Variants in UBR2 observed in about 807,000 individuals in gnomAD.
UBR2 encodes the protein ubiquitin protein ligase E3 component n-recognin 2.
In UBR2, 92 loss-of-function variants were observed where a neutral mutation model predicts 247.9. The ratio of observed to expected loss-of-function variants is 0.37; its 90% CI spans 0.31 to 0.44. UBR2 has a LOEUF of 0.44. UBR2 is among the 20% of genes least tolerant of loss of function. The pLI is 1.00. For synonymous variants in UBR2, 672 were observed against 693.5 expected, an observed-to-expected ratio of 0.97 and a Z score of 0.49; for missense variants, 1,613 against 2,112.6, an observed-to-expected ratio of 0.76 and a Z score of 4.64.
intron 32 of UBR2, 53 bp from the exon 33 acceptor site, chr6:42,665,356 G>C: frequency 7.4e-7 from 1 of 1,347,196 alleles, no homozygotes; most frequent in Non-Finnish European, 1.0e-6. Context: ...GGAGTCTTTT[G>C]TATCTTAAGG....
At chr6:42,681,852 G>A (rs142272614) in intron 42 of UBR2, among the ~76,000 whole-genome samples, 4 of 152,332 alleles carry the variant, frequency 2.6e-5, no homozygotes, top group African/African-American at 7.2e-5. Flanking sequence ...CAACTCAGAT[G>A]TTCAACAGAT....
chr6:42,636,722 TGA>T (rs1796118066), intron 14 of UBR2, among the ~76,000 whole-genome samples: 1 of 152,118 alleles, frequency 6.6e-6, no homozygotes, highest in Non-Finnish European at 1.5e-5. Flanking sequence ...TAGCAAGTTT[TGA>T]GAGAAACTTA....
intron 3 of UBR2, 104 bp from the exon 4 acceptor site, chr6:42,594,087 A>G: frequency 2.6e-6 from 2 of 773,696 alleles, no homozygotes; most frequent in Non-Finnish European, 4.0e-6. Context: ...AAGAAATTAA[A>G]CACTTAAGCA....
chr6:42,655,503 C>A, intron 25 of UBR2, 118 bp from the exon 26 acceptor site: 3 of 560,022 alleles, frequency 5.4e-6, no homozygotes, highest in Non-Finnish European at 9.0e-6. Context: ...TTTTTAATTG[C>A]ATTTAGTATT....
chr6:42,687,981 AT>A (rs60340732), intron 44 of UBR2, among the ~76,000 whole-genome samples: 139,076 of 151,864 alleles, frequency 0.92, 63,760 homozygotes, highest in East Asian at 1. Flanking sequence ...GATTTTATTT[AT>A]TTTTTTTTCT....
intron 2 of UBR2, among the ~76,000 whole-genome samples, chr6:42,576,415 T>C (rs1311919848): frequency 1.3e-5 from 2 of 152,072 alleles, no homozygotes; most frequent in African/African-American, 2.4e-5. Flanking sequence ...ATTATTCCCC[T>C]GTATGCAGCC....
rs1336979873 is a variant in UBR2 at position 42,614,230 on chromosome 6, A to C, written c.986-841A>C. On this transcript the variant is annotated intron_variant, in intron 8 of 46. Coordinates refer to ENST00000372901, the MANE Select transcript of UBR2 (RefSeq NM_001363705.2). Reference sequence around the variant, plus strand: ...ACTATATATATATACACACACACACACACACACACACACACGCGCGCACAT... The same window carrying C: ...ACTATATATATATACACACACACACCCACACACACACACACGCGCGCACAT... Among the ~76,000 whole-genome samples the C allele has an allele frequency of 6.1e-5, 6 of 98,554 alleles. 1 individual carries two copies. In the East Asian group the frequency reaches 8.3e-4, roughly 14 times the overall value. 64.7% of individuals were successfully genotyped at this position (98,554 alleles called of 152,430 possible). A position where few individuals can be genotyped will look rare whatever the true frequency, so the allele number is the denominator to read the frequency against.
intron 15 of UBR2, 98 bp downstream of exon 15, chr6:42,637,292 C>T (rs1329900764): frequency 5.4e-6 from 7 of 1,287,838 alleles, no homozygotes; most frequent in Non-Finnish European, 7.5e-6. Flanking sequence ...AGATGTTATT[C>T]TGTGATTTCT....
At chr6:42,634,084 T>C (rs1253853483) in intron 13 of UBR2, among the ~76,000 whole-genome samples, 1 of 152,226 alleles carries the variant, frequency 6.6e-6, no homozygotes, top group African/African-American at 2.4e-5. Flanking sequence ...GTTACAAGTT[T>C]ATTTTTTTAA....
rs1796027450 is a variant in UBR2, at chr6:42,635,408, T to C, written c.1546-10T>C. ...TTTCATTCATATATAATTTTTTCAC[T>C]TCCGTTAAGGGAATGGATCCAATTA... On this transcript the variant is annotated splice_polypyrimidine_tract_variant and intron_variant, in intron 13 of 46. Coordinates refer to ENST00000372901, the MANE Select transcript of UBR2 (RefSeq NM_001363705.2). The C allele has an allele frequency of 1.2e-6, 2 of 1,611,894 alleles. No individual in the cohort carries two copies. The highest frequency in any genetic ancestry group is 1.7e-5 in the Admixed American group (1 of 59,780).
intron 13 of UBR2, 109 bp downstream of exon 13, chr6:42,633,013 T>C: frequency 1.4e-6 from 1 of 724,230 alleles, no homozygotes; most frequent in East Asian, 3.0e-5. Context: ...GGGGTCTCAC[T>C]GTGTTGCCCA....
intron 16 of UBR2, 67 bp from the exon 17 acceptor site, chr6:42,641,515 C>A: frequency 8.2e-7 from 1 of 1,223,856 alleles, no homozygotes; most frequent in Non-Finnish European, 1.2e-6. Flanking sequence ...GACCAAACTT[C>A]TTTTTAGAAC....
chr6:42,666,164 T>C lies in UBR2; in HGVS notation c.3803-3T>C, dbSNP rs1275552850. The C allele has an allele frequency of 6.2e-7, 1 of 1,609,982 alleles. No individual in the cohort carries two copies. The highest frequency in any genetic ancestry group is 1.1e-5 in the South Asian group (1 of 89,986). On this transcript the variant is annotated splice_polypyrimidine_tract_variant and splice_region_variant and intron_variant, in intron 33 of 46. Transcript: ENST00000372901. ...TAATAGTATAAAATGCCTGTTTCTA[T>C]AGATAATGCCTCTACAAAGAATTCA...
chr6:42,589,479 A>G (rs957154561), intron 2 of UBR2, among the ~76,000 whole-genome samples: 22 of 152,118 alleles, frequency 1.4e-4, no homozygotes, highest in Admixed American at 1.4e-3. Context: ...TGAATTGTCT[A>G]TATCTGATTT....
intron 1 of UBR2, among the ~76,000 whole-genome samples, chr6:42,570,636 C>T (rs1791056850): frequency 6.6e-6 from 1 of 151,554 alleles, no homozygotes; most frequent in Admixed American, 6.6e-5. Flanking sequence ...GAAATACTTG[C>T]TTGTTTTACT....
chr6:42,637,001 T>C lies in UBR2; in HGVS notation c.1675-10T>C. The C allele has an allele frequency of 6.2e-7, 1 of 1,600,244 alleles. No homozygotes were observed. Among genetic ancestry groups the C allele is most frequent in the Non-Finnish European group, 8.5e-7 (1 of 1,172,096 alleles). On this transcript the variant is annotated splice_polypyrimidine_tract_variant and intron_variant, in intron 14 of 46. Coordinates refer to ENST00000372901, the MANE Select transcript of UBR2 (RefSeq NM_001363705.2). ...TTTTGAGTAACTTACAGAAAAACCCTCTTTTTTAGGAAAAAGTGTTAATCG... is the reference window on the plus strand; with the variant it reads ...TTTTGAGTAACTTACAGAAAAACCCCCTTTTTTAGGAAAAAGTGTTAATCG...
intron 2 of UBR2, among the ~76,000 whole-genome samples, chr6:42,583,585 G>A (rs59155171): frequency 0.014 from 2,014 of 148,748 alleles, 37 homozygotes; most frequent in African/African-American, 0.048. Flanking sequence ...GCAGTGGCAC[G>A]ATCTCAGCTC....
chr6:42,573,670 GTGAA>G, intron 1 of UBR2, 60 bp from the exon 2 acceptor site: 1 of 1,408,288 alleles, frequency 7.1e-7, no homozygotes, highest in South Asian at 1.8e-5. Context: ...AGAAAGTAGG[GTGAA>G]TTTGTTCAAA....
intron 14 of UBR2, among the ~76,000 whole-genome samples, chr6:42,636,170 G>GTTTT (rs987138386): frequency 1.8e-5 from 2 of 109,524 alleles, no homozygotes; most frequent in African/African-American, 3.5e-5. Context: ...GGCCATGGTT[G>GTTTT]TTTTTTTTTT....
Sources: allele counts gnomAD v4.1 joint callset (sites outside exome capture counted in the v4.1 genomes callset), GRCh38; gene constraint gnomAD v4.1.1; transcripts MANE v1.5; gene names NCBI Gene and HGNC (gene_info 2026-07-23, HGNC 2026-07-21).